NCALD: variants seen among roughly 807,000 people sequenced by gnomAD.
NCALD encodes the protein neurocalcin-delta.
In NCALD, 10 loss-of-function variants were observed where a neutral mutation model predicts 18.6. The ratio of observed to expected loss-of-function variants is 0.54; its 90% confidence interval spans 0.33 to 0.91. NCALD has a LOEUF of 0.91. NCALD is among the 40% of genes least tolerant of loss of function. The probability of loss-of-function intolerance (pLI) is 0.03; values close to 1 mark genes in which losing one functional copy is unlikely to be tolerated. For missense variants in NCALD, 184 were observed against 247.6 expected, an observed-to-expected ratio of 0.74 and a Z score of 1.72; for synonymous variants, 88 against 87.4, an observed-to-expected ratio of 1.01 and a Z score of -0.04.
chr8:101,991,657 AAG>A (rs1821053518), intron 2 of NCALD, among the ~76,000 whole-genome samples: 1 of 152,102 alleles, frequency 6.6e-6, no homozygotes, highest in Non-Finnish European at 1.5e-5. Flanking sequence ...AGACCCTGAA[AAG>A]AGAGAGCAAT....
intron 1 of NCALD, among the ~76,000 whole-genome samples, chr8:102,043,765 G>GGAAGCAGCAGCA (rs1278881159): frequency 6.6e-6 from 1 of 150,402 alleles, no homozygotes; most frequent in East Asian, 2.0e-4. Context: ...AAGGGGAAGG[G>GGAAGCAGCAGCA]GAAGCAGCAG....
At chr8:101,783,886 T>G (rs184286953) in intron 1 of NCALD, among the ~76,000 whole-genome samples, 1 of 152,194 alleles carries the variant, frequency 6.6e-6, no homozygotes, top group East Asian at 1.9e-4. Flanking sequence ...CCTCCAGAAA[T>G]TAGGTTAGGT....
At chr8:101,833,110 C>T (rs919672330) in intron 4 of NCALD, among the ~76,000 whole-genome samples, 3 of 152,188 alleles carry the variant, frequency 2.0e-5, no homozygotes, top group Non-Finnish European at 4.4e-5. Flanking sequence ...CACAGCTTCC[C>T]CTTCTGGAAA....
At chr8:102,103,792 C>T (rs1825362130) in intron 1 of NCALD, among the ~76,000 whole-genome samples, 2 of 152,158 alleles carry the variant, frequency 1.3e-5, no homozygotes, top group South Asian at 4.1e-4. Flanking sequence ...TGAAAGTCAA[C>T]ATTACATGAA....
At chr8:101,814,822 A>C (rs971992706) in intron 4 of NCALD, among the ~76,000 whole-genome samples, 3 of 152,116 alleles carry the variant, frequency 2.0e-5, no homozygotes, top group African/African-American at 7.2e-5. Flanking sequence ...ATTTGAAATT[A>C]AAAACACAAT....
At chr8:101,933,612 T>G (rs764912215) in intron 2 of NCALD, among the ~76,000 whole-genome samples, 3 of 152,216 alleles carry the variant, frequency 2.0e-5, no homozygotes, top group Non-Finnish European at 4.4e-5. Context: ...ATCCTGCAAC[T>G]GCCTTTCCAT....
At chr8:101,738,445 G>A (rs1810025471) in intron 1 of NCALD, among the ~76,000 whole-genome samples, 1 of 151,510 alleles carries the variant, frequency 6.6e-6, no homozygotes, top group African/African-American at 2.4e-5. Flanking sequence ...TCGGGAAGGT[G>A]AGGCAGGAGA....
At chr8:102,099,863 T>C (rs1177081039) in intron 1 of NCALD, among the ~76,000 whole-genome samples, 1 of 151,682 alleles carries the variant, frequency 6.6e-6, no homozygotes, top group Non-Finnish European at 1.5e-5. Flanking sequence ...TCCCAGCTAC[T>C]CAGGAGGCTG....
At position 101,689,414 on chromosome 8, in the gene NCALD, G is replaced by A; in HGVS notation, c.485-8C>T. Reference sequence around the variant, plus strand: ...CTTCCAGGGAGAGTTTTCCTAGGAAGCAAGAGGACAGGTGAGTGGTGGCTG... The same window carrying A: ...CTTCCAGGGAGAGTTTTCCTAGGAAACAAGAGGACAGGTGAGTGGTGGCTG... On this transcript the variant is annotated splice_region_variant and splice_polypyrimidine_tract_variant and intron_variant, in intron 3 of 3. Coordinates refer to ENST00000220931, the MANE Select transcript of NCALD (RefSeq NM_032041.3). This position sits in a 1 kb window ranked among gnomAD's most constrained non-coding sequence, Gnocchi z 4.4. The A allele has an allele frequency of 6.3e-7, 1 of 1,592,374 alleles. No individual in the cohort carries two copies. The highest frequency in any genetic ancestry group is 8.6e-7 in the Non-Finnish European group (1 of 1,168,988).
intron 2 of NCALD, among the ~76,000 whole-genome samples, chr8:101,965,002 CAT>C (rs2131866850): frequency 6.6e-6 from 1 of 152,152 alleles, no homozygotes; most frequent in African/African-American, 2.4e-5. Context: ...AGCCAACAAA[CAT>C]ATGAAAAAAA....
At chr8:101,765,439 G>A (rs1166559306) in intron 1 of NCALD, among the ~76,000 whole-genome samples, 6 of 152,070 alleles carry the variant, frequency 3.9e-5, no homozygotes, top group Non-Finnish European at 7.4e-5. Context: ...GTCAAACCCC[G>A]ACATGTGCAA....
chr8:101,691,934 G>A, intron 3 of NCALD: 5 of 985,442 alleles, frequency 5.1e-6, no homozygotes, highest in Non-Finnish European at 6.0e-6. Flanking sequence ...ACAGAGCCGG[G>A]CCCTGAGCTG....
chr8:101,768,196 A>C (rs551824296), intron 1 of NCALD, among the ~76,000 whole-genome samples: 1 of 152,304 alleles, frequency 6.6e-6, no homozygotes, highest in African/African-American at 2.4e-5. Context: ...TACATGTTAC[A>C]TTTGCAAGAC....
chr8:102,107,554 T>C (rs1054836334), intron 1 of NCALD, among the ~76,000 whole-genome samples: 1 of 152,126 alleles, frequency 6.6e-6, no homozygotes, highest in Non-Finnish European at 1.5e-5. Flanking sequence ...AAAGAAGGGC[T>C]GAGCTCATTC....
chr8:101,854,443 A>G lies in NCALD; in HGVS notation c.-20+32698T>C, dbSNP rs1815224155. 2.0e-5 allele frequency among the ~76,000 whole-genome samples: 3 copies of G among 152,200 alleles called. No homozygotes were observed. The South Asian group carries it at 6.2e-4, about 32-fold the overall frequency. On this transcript the variant is annotated intron_variant, in intron 4 of 6. Coordinates refer to the NCALD transcript ENST00000311028. ...AGTGCATGGGTCAGAAAGCTCCTAC[A>G]TTCACTTTCTACTGTCCCTGCACTT...
intron 1 of NCALD, among the ~76,000 whole-genome samples, chr8:102,071,445 C>G (rs1018826770): frequency 6.6e-6 from 1 of 152,044 alleles, no homozygotes; most frequent in Non-Finnish European, 1.5e-5. Flanking sequence ...GGTTTTGCCT[C>G]AAAGCATCTT....
intron 1 of NCALD, among the ~76,000 whole-genome samples, chr8:102,050,842 TTTAATTTAATTAA>T (rs898428696): frequency 3.4e-5 from 5 of 146,690 alleles, no homozygotes; most frequent in South Asian, 2.1e-4. Context: ...TTTAATCATT[TTTAATTTAATTAA>T]TTAATTTAAT....
intron 4 of NCALD, among the ~76,000 whole-genome samples, chr8:101,823,075 ATAAAAATATCCTC>A (rs2131201145): frequency 6.6e-6 from 1 of 151,920 alleles, no homozygotes; most frequent in Admixed American, 6.6e-5. Flanking sequence ...TTGTCTGGAT[ATAAAAATATCCTC>A]TAATACTTTG....
chr8:102,038,433 C>T (rs193212822), intron 1 of NCALD, among the ~76,000 whole-genome samples: 21 of 152,132 alleles, frequency 1.4e-4, no homozygotes, highest in Admixed American at 7.2e-4. Flanking sequence ...AGAAACACAG[C>T]GAACCTGTAA....
Sources: gnomAD v4.1 joint callset for allele counts (sites outside exome capture counted in the v4.1 genomes callset) on GRCh38, gnomAD v4.1.1 for gene constraint, Gnocchi (gnomAD v3.1) non-coding constraint, MANE v1.5 for transcripts, NCBI Gene and HGNC (gene_info 2026-07-23, HGNC 2026-07-21) for gene names.